Variants in VRK2 observed in about 807,000 individuals in gnomAD.
The protein encoded by VRK2 is VRK serine/threonine kinase 2.
Under a neutral mutation model 57.6 loss-of-function variants are expected in VRK2, and 60 were observed. That is an observed-to-expected ratio of 1.04 (90% confidence interval 0.85 to 1.29). The LOEUF (loss-of-function observed/expected upper bound fraction) is 1.29. Among genes scored for constraint, VRK2 ranks in the 50% most tolerant of loss-of-function variants. The pLI is 0.00. For missense variants in VRK2, 705 were observed against 588.1 expected, an observed-to-expected ratio of 1.20 and a Z score of -2.06; for synonymous variants, 231 against 199.2, an observed-to-expected ratio of 1.16 and a Z score of -1.35.
chr2:58,028,148 G>C (rs1262978219), intron 2 of VRK2: 5 of 152,166 alleles, frequency 3.3e-5, no homozygotes, highest in Admixed American at 2.0e-4. Flanking sequence ...TTTTAGGATA[G>C]AGCGCAAGGA....
rs757039760 is a variant in VRK2 at position 58,139,751 on chromosome 2, C to T, written c.942C>T (p.Asn314=). ...ATCAAGCCCTCAAGAAAATTTTGAACCCTCATGGAATACCTTTAGGACCAC... is the reference window on the plus strand; with the variant it reads ...ATCAAGCCCTCAAGAAAATTTTGAATCCTCATGGAATACCTTTAGGACCAC... ...PNYQALKKIL[N]PHGIPLGPLD... The change falls in exon 11 of 13, where the codon AAC becomes AAT. Residue 314 remains asparagine (N), a synonymous_variant. Coordinates refer to ENST00000340157, the MANE Select transcript of VRK2 (RefSeq NM_006296.7). 8.1e-6 allele frequency: 13 copies of T among 1,613,016 alleles called. No individual in the cohort carries two copies. Among genetic ancestry groups the T allele is most frequent in the Non-Finnish European group, 1.1e-5 (13 of 1,179,426 alleles).
intron 1 of VRK2, among the ~76,000 whole-genome samples, chr2:57,983,012 C>T (rs1014767096): frequency 1.3e-5 from 2 of 152,298 alleles, no homozygotes; most frequent in African/African-American, 2.4e-5. Context: ...TTCATTCACC[C>T]CTTCCCTAGG....
Position 58,119,830 on chromosome 2 carries a change from A to G in VRK2, c.544-3271A>G, listed in dbSNP as rs550474543. ...TGAACCGTATGCTAAGCTAGTGGAT[A>G]AAAGTCCAAACTAGGAAAAAAAGGT... On this transcript the variant is annotated intron_variant, in intron 7 of 12. Transcript: ENST00000340157. 3.2e-4 allele frequency among the ~76,000 whole-genome samples: 49 copies of G among 151,908 alleles called. 1 individual carries two copies. In the East Asian group the frequency reaches 8.7e-3, roughly 27 times the overall value.
chr2:58,119,532 A>T (rs1677100679), intron 7 of VRK2, among the ~76,000 whole-genome samples: 1 of 149,554 alleles, frequency 6.7e-6, no homozygotes, highest in African/African-American at 2.4e-5. Context: ...TTGGAATATT[A>T]TTTTCTGAGC....
At chr2:57,975,971 A>G (rs1672240244) in intron 1 of VRK2, among the ~76,000 whole-genome samples, 1 of 151,942 alleles carries the variant, frequency 6.6e-6, no homozygotes, top group Non-Finnish European at 1.5e-5. Flanking sequence ...TTGTGTCCAC[A>G]TGCAATCAAC....
chr2:58,139,103 G>C (rs1374611195), intron 10 of VRK2, among the ~76,000 whole-genome samples: 2 of 152,094 alleles, frequency 1.3e-5, no homozygotes, highest in Admixed American at 6.6e-5. Flanking sequence ...TGTGTACCAG[G>C]CTAGCTAGGT....
intron 9 of VRK2, among the ~76,000 whole-genome samples, chr2:58,134,338 G>A (rs992436172): frequency 4.6e-5 from 7 of 152,138 alleles, no homozygotes; most frequent in African/African-American, 1.7e-4. Context: ...GGGGCCGGGC[G>A]CGGTGGCTCA....
intron 9 of VRK2, 93 bp from the exon 10 acceptor site, chr2:58,135,048 T>C (rs1679816283): frequency 5.2e-6 from 7 of 1,348,950 alleles, no homozygotes. Flanking sequence ...ACAATTTTGG[T>C]GACCTACCAA....
At chr2:57,992,862 T>C (rs1476835732) in intron 1 of VRK2, among the ~76,000 whole-genome samples, 1 of 152,218 alleles carries the variant, frequency 6.6e-6, no homozygotes, top group Non-Finnish European at 1.5e-5. Context: ...GATCACTACA[T>C]ATTGACAACC....
chr2:58,159,382 T>A lies in VRK2; in HGVS notation c.1216T>A (p.Ser406Thr). Residue 406 changes from serine to threonine, a missense_variant, in exon 13 of 13, where the codon TCT becomes ACT. Coordinates refer to ENST00000340157, the MANE Select transcript of VRK2 (RefSeq NM_006296.7). ...AAGGAGAAGACAGAAATATCAAGAG[T>A]CTCAAGAACCTTTGAATGAAGTAAA... is the stretch of plus-strand genomic sequence containing the variant. ...STRRRQKYQE[S>T]QEPLNEVNSF... 1.2e-6 allele frequency: 2 copies of A among 1,610,494 alleles called. No homozygotes were observed. The highest frequency in any genetic ancestry group is 1.7e-6 in the Non-Finnish European group (2 of 1,178,712).
chr2:57,967,058 CTAGA>C (rs1356141209), intron 1 of VRK2, among the ~76,000 whole-genome samples: 11 of 152,036 alleles, frequency 7.2e-5, no homozygotes, highest in Non-Finnish European at 1.0e-4. Context: ...CATATTCATC[CTAGA>C]TAATTAAGTT....
At chr2:58,097,518 T>C (rs1200087518) in intron 7 of VRK2, among the ~76,000 whole-genome samples, 1 of 152,158 alleles carries the variant, frequency 6.6e-6, no homozygotes, top group Admixed American at 6.6e-5. Flanking sequence ...GTTTGTCCCC[T>C]GTACTGTTTG....
At chr2:58,029,706 G>A (rs991658659) in intron 2 of VRK2, among the ~76,000 whole-genome samples, 2 of 152,042 alleles carry the variant, frequency 1.3e-5, no homozygotes, top group African/African-American at 4.8e-5. Context: ...GGTTTATTCT[G>A]TTTTTATATC....
intron 1 of VRK2, among the ~76,000 whole-genome samples, chr2:57,946,830 T>C (rs1487676832): frequency 1.3e-5 from 2 of 152,142 alleles, no homozygotes; most frequent in Non-Finnish European, 2.9e-5. Context: ...GATTCATGTG[T>C]GTGACAGAAG....
intron 4 of VRK2, among the ~76,000 whole-genome samples, chr2:58,085,603 T>C (rs974779398): frequency 6.6e-6 from 1 of 151,990 alleles, no homozygotes; most frequent in East Asian, 1.9e-4. Flanking sequence ...GTCAAGGTCC[T>C]TTACATCATG....
chr2:58,009,712 T>C (rs1444410776), intron 1 of VRK2, among the ~76,000 whole-genome samples: 1 of 151,922 alleles, frequency 6.6e-6, no homozygotes, highest in African/African-American at 2.4e-5. Flanking sequence ...ATACAGCTCA[T>C]ATTTTATTAA....
intron 2 of VRK2, among the ~76,000 whole-genome samples, chr2:58,068,938 TGTC>T (rs1669008306): frequency 6.6e-6 from 1 of 152,136 alleles, no homozygotes; most frequent in African/African-American, 2.4e-5. Context: ...CAAAAGTGTT[TGTC>T]TTTATTTATT....
At chr2:57,947,634 G>A (rs983068159) in intron 1 of VRK2, among the ~76,000 whole-genome samples, 2 of 152,076 alleles carry the variant, frequency 1.3e-5, no homozygotes, top group Non-Finnish European at 2.9e-5. Flanking sequence ...GTAACTCTTA[G>A]TTCAACACAG....
At chr2:58,023,978 AT>A (rs564635070) in intron 1 of VRK2, among the ~76,000 whole-genome samples, 11,344 of 140,722 alleles carry the variant, frequency 0.081, 332 homozygotes, top group East Asian at 0.11. Context: ...GTTGGTAAGA[AT>A]TTTTTTTTTT....
Sources: allele counts gnomAD v4.1 joint callset (sites outside exome capture counted in the v4.1 genomes callset), GRCh38; gene constraint gnomAD v4.1.1; transcripts MANE v1.5; gene names NCBI Gene and HGNC (gene_info 2026-07-23, HGNC 2026-07-21).